Variants in RAD23B observed in about 807,000 individuals in gnomAD.
RAD23B encodes RAD23 nucleotide excision repair protein B.
RAD23B carries 5 observed loss-of-function variants against 49.1 expected under a neutral mutation model. The ratio of observed to expected loss-of-function variants is 0.10; its 90% CI spans 0.05 to 0.21. The LOEUF (loss-of-function observed/expected upper bound fraction) is 0.21. Among genes scored for constraint, RAD23B ranks in the 10% least tolerant of loss-of-function variants. The probability of loss-of-function intolerance (pLI) is 1.00; values close to 1 mark genes in which losing one functional copy is unlikely to be tolerated. For synonymous variants in RAD23B, 184 were observed against 165.4 expected (o/e 1.11, Z -0.86); for missense variants, 356 against 486.7 (o/e 0.73, Z 2.53).
intron 5 of RAD23B, among the ~76,000 whole-genome samples, chr9:107,315,141 T>G (rs1826965060): frequency 2.0e-5 from 3 of 150,820 alleles, no homozygotes; most frequent in Admixed American, 6.6e-5. Flanking sequence ...TGTTTTGAGT[T>G]GACTTTTGTG....
chr9:107,322,774 TGATA>T (rs1418448215), intron 7 of RAD23B, among the ~76,000 whole-genome samples: 1 of 152,224 alleles, frequency 6.6e-6, no homozygotes, highest in Non-Finnish European at 1.5e-5. Flanking sequence ...GCTCTGATAA[TGATA>T]GTCACCTCTG....
Position 107,283,554 on chromosome 9 carries a change from G to A in RAD23B, c.-76G>A. The A allele has an allele frequency of 8.4e-7, 1 of 1,184,702 alleles. No homozygotes were observed. The highest frequency in any genetic ancestry group is 1.1e-6 in the Non-Finnish European group (1 of 898,608). 73.4% of individuals were successfully genotyped at this position (1,184,702 alleles called of 1,614,324 possible). On this transcript the variant is annotated 5_prime_UTR_variant, in exon 1 of 10. Coordinates refer to ENST00000358015, the MANE Select transcript of RAD23B (RefSeq NM_002874.5). ...CGCGAGGAGCGCGGGCGACCCCGGGGCCCCGCCAGGCCACAGACCCCGCCC... is the reference window on the plus strand; with the variant it reads ...CGCGAGGAGCGCGGGCGACCCCGGGACCCCGCCAGGCCACAGACCCCGCCC...
At chr9:107,307,845 T>G (rs1157667506) in intron 4 of RAD23B, among the ~76,000 whole-genome samples, 1 of 152,186 alleles carries the variant, frequency 6.6e-6, no homozygotes, top group Admixed American at 6.5e-5. Context: ...GTTACTTGCC[T>G]AGAACACTGC....
intron 6 of RAD23B, among the ~76,000 whole-genome samples, chr9:107,319,571 A>G (rs935259606): frequency 6.6e-6 from 1 of 152,202 alleles, no homozygotes; most frequent in Non-Finnish European, 1.5e-5. Context: ...CTTTGATCCC[A>G]GATTTTTGCA....
chr9:107,302,494 G>T (rs560197109), intron 3 of RAD23B, among the ~76,000 whole-genome samples: 1 of 151,852 alleles, frequency 6.6e-6, no homozygotes, highest in African/African-American at 2.4e-5. Context: ...GCTAAATTAC[G>T]TACTAGTCCT....
intron 6 of RAD23B, among the ~76,000 whole-genome samples, chr9:107,321,763 T>C (rs1030105996): frequency 4.6e-5 from 7 of 152,224 alleles, no homozygotes; most frequent in African/African-American, 1.7e-4. Context: ...CTGCTTTGCA[T>C]TATTATAGCA....
chr9:107,313,889 CCT>C (rs1826939139), intron 5 of RAD23B, among the ~76,000 whole-genome samples: 3 of 151,886 alleles, frequency 2.0e-5, no homozygotes, highest in African/African-American at 7.3e-5. Flanking sequence ...TCTCCTCTGT[CCT>C]CTCTCCTTTC....
chr9:107,296,979 C>T (rs892148239), intron 1 of RAD23B, among the ~76,000 whole-genome samples: 91 of 151,778 alleles, frequency 6.0e-4, no homozygotes, highest in African/African-American at 2.0e-3. Context: ...CTCAGCCTCC[C>T]GAGTAGCTGG....
At chr9:107,309,184 T>G (rs374089935) in intron 4 of RAD23B, among the ~76,000 whole-genome samples, 30 of 152,318 alleles carry the variant, frequency 2.0e-4, no homozygotes, top group African/African-American at 7.0e-4. Context: ...ACATGAATTC[T>G]TGGGCCACCC....
At chr9:107,293,640 T>C (rs923249035) in intron 1 of RAD23B, among the ~76,000 whole-genome samples, 14 of 152,196 alleles carry the variant, frequency 9.2e-5, no homozygotes, top group Non-Finnish European at 1.8e-4. Context: ...ATTGCTGACC[T>C]AATTAACAAG....
intron 5 of RAD23B, among the ~76,000 whole-genome samples, chr9:107,317,635 ATGT>A (rs919549056): frequency 6.6e-5 from 10 of 151,980 alleles, no homozygotes; most frequent in African/African-American, 2.2e-4. Context: ...AGGGGTAAAG[ATGT>A]TGGTGGAGAA....
At chr9:107,312,644 C>G (rs750439293) in intron 5 of RAD23B, among the ~76,000 whole-genome samples, 15 of 152,186 alleles carry the variant, frequency 9.9e-5, no homozygotes, top group Non-Finnish European at 1.9e-4. Context: ...GTCCTAAAAC[C>G]ACTCTGCTAT....
chr9:107,327,487 A>C (rs1426678087), intron 9 of RAD23B, among the ~76,000 whole-genome samples: 2 of 152,074 alleles, frequency 1.3e-5, no homozygotes, highest in African/African-American at 2.4e-5. Context: ...TTTCATCTCA[A>C]AATGTTTTTT....
chr9:107,287,557 G>A (rs1307343386), intron 1 of RAD23B, among the ~76,000 whole-genome samples: 4 of 152,148 alleles, frequency 2.6e-5, no homozygotes, highest in African/African-American at 4.8e-5. Flanking sequence ...CCTCTATAAT[G>A]TGATTGTTAT....
chr9:107,311,457 C>T (rs1291763829), intron 4 of RAD23B, among the ~76,000 whole-genome samples: 2 of 151,988 alleles, frequency 1.3e-5, no homozygotes, highest in Non-Finnish European at 2.9e-5. Context: ...GTGATGGAGT[C>T]TCAGAATAGA....
intron 2 of RAD23B, among the ~76,000 whole-genome samples, chr9:107,301,114 G>A (rs141639058): frequency 3.9e-5 from 6 of 152,182 alleles, no homozygotes; most frequent in African/African-American, 1.4e-4. Context: ...AGAAACACTA[G>A]AGAGTCCTAG....
chr9:107,328,452 C>G (rs1270180508), intron 9 of RAD23B, among the ~76,000 whole-genome samples: 1 of 152,090 alleles, frequency 6.6e-6, no homozygotes, highest in Non-Finnish European at 1.5e-5. Context: ...TGTTTCATCT[C>G]ACATCATCAG....
chr9:107,326,798 T>G (rs1827215423), intron 9 of RAD23B, among the ~76,000 whole-genome samples: 1 of 151,508 alleles, frequency 6.6e-6, no homozygotes, highest in African/African-American at 2.4e-5. Context: ...CATGCCCGGC[T>G]AATTTTGTTT....
chr9:107,328,651 T>C (rs1827253589), intron 9 of RAD23B, among the ~76,000 whole-genome samples: 1 of 152,158 alleles, frequency 6.6e-6, no homozygotes, highest in African/African-American at 2.4e-5. Flanking sequence ...CGCCCACTGC[T>C]CACCTCCTCC....
Sources: gnomAD v4.1 joint callset for allele counts (sites outside exome capture counted in the v4.1 genomes callset) on GRCh38, gnomAD v4.1.1 for gene constraint, MANE v1.5 for transcripts, NCBI Gene and HGNC (gene_info 2026-07-23, HGNC 2026-07-21) for gene names.